The following SPTLC2 variants were observed in gnomAD, a reference collection of about 807,000 sequenced individuals.
SPTLC2 encodes the protein serine palmitoyltransferase 2.
A neutral mutation model predicts 62.0 loss-of-function variants in SPTLC2; 21 were observed. The observed-to-expected ratio is 0.34, with a 90% CI of 0.24 to 0.49. The LOEUF is 0.49. SPTLC2 is among the 20% of genes least tolerant of loss of function. The pLI, the probability that SPTLC2 is intolerant of heterozygous loss-of-function variation, is 0.99. For missense variants in SPTLC2, 511 were observed against 713.0 expected, an observed-to-expected ratio of 0.72 and a Z score of 3.23; for synonymous variants, 261 against 261.8, an observed-to-expected ratio of 1.00 and a Z score of 0.03.
At chr14:77,523,958 A>G (rs984554477) in intron 9 of SPTLC2, among the ~76,000 whole-genome samples, 12 of 152,354 alleles carry the variant, frequency 7.9e-5, no homozygotes, top group African/African-American at 2.6e-4. Flanking sequence ...ACGTACAACC[A>G]GGGGAAAAGT....
rs988534292 is a variant in SPTLC2 at position 77,522,943 on chromosome 14, A to G, written c.1304-1362T>C. On this transcript the variant is annotated intron_variant, in intron 9 of 11. Transcript: ENST00000216484. ...CATCATTCATGGGAAGCTACTCTAT[A>G]TAAGTTGGCCACAAATAAGTCAAAA... Among the ~76,000 whole-genome samples, 5 of 152,364 alleles carry G rather than the reference A, an allele frequency of 3.3e-5. No individual in the cohort carries two copies. In the South Asian group the frequency reaches 1.0e-3, roughly 32 times the overall value.
Position 77,552,119 on chromosome 14 carries a change from A to G in SPTLC2, c.1280T>C (p.Met427Thr). The G allele has an allele frequency of 6.2e-7, 1 of 1,614,170 alleles. No homozygotes were observed. The highest frequency in any genetic ancestry group is 8.5e-7 in the Non-Finnish European group (1 of 1,180,022). ...ACCAAGGCTGGTGCCATCCTGCCCC[A>G]TGATGCACTTCATGGAGGTGATGAT... ...EQIITSMKCIMGQDGTSLGKE... is the reference protein window; with the variant it reads ...EQIITSMKCITGQDGTSLGKE... The change falls in exon 9 of 12, where the codon ATG (methionine) becomes ACG (threonine). Residue 427 changes from methionine to threonine, a missense_variant. Transcript: ENST00000216484.
Position 77,509,728 on chromosome 14 carries a change from T to G in SPTLC2, c.*2556A>C, listed in dbSNP as rs765841404. On this transcript the variant is annotated 3_prime_UTR_variant, in exon 12 of 12. Coordinates refer to ENST00000216484, the MANE Select transcript of SPTLC2 (RefSeq NM_004863.4). ...ACTGGACCCTAGATTTACATTACAG[T>G]TTCAAGAAGAGACAACCAACCATGT... 1.5e-5 allele frequency: 6 copies of G among 395,558 alleles called. No individual in the cohort carries two copies. Among genetic ancestry groups the G allele is most frequent in the Non-Finnish European group, 2.7e-5 (6 of 224,712 alleles). The allele number at this position is 395,558 out of a possible 1,614,324, so 24.5% of individuals were successfully genotyped here. A position where few individuals can be genotyped will look rare whatever the true frequency, so the allele number is the denominator to read the frequency against.
Position 77,518,065 on chromosome 14 carries a change from T to C in SPTLC2, c.1542A>G (p.Ala514=), listed in dbSNP as rs1018153034. 1.2e-6 allele frequency: 2 copies of C among 1,614,206 alleles called. No individual in the cohort carries two copies. The highest frequency in any genetic ancestry group is 8.5e-7 in the Non-Finnish European group (1 of 1,180,042). ...TATCAAGTATTTCTTTGGTATGAGC[T>C]GCTGACAGGCAAAACCTGGCTCTGG... ...IESRARFCLS[A]AHTKEILDTA... is the part of the protein sequence containing the mutation. The change falls in exon 11 of 12, where the codon GCA becomes GCG. Residue 514 remains alanine (A), a synonymous_variant. Transcript: ENST00000216484.
intron 7 of SPTLC2, 41 bp downstream of exon 7, chr14:77,556,999 TG>T: frequency 6.5e-7 from 1 of 1,548,916 alleles, no homozygotes; most frequent in Non-Finnish European, 8.9e-7. Flanking sequence ...TATGACTTCA[TG>T]GGGCCAAGTC....
At chr14:77,600,446 T>C (rs796288572) in intron 1 of SPTLC2, among the ~76,000 whole-genome samples, 38 of 152,284 alleles carry the variant, frequency 2.5e-4, no homozygotes, top group African/African-American at 8.4e-4. Context: ...ACAAAATCAC[T>C]TCACCTTTAA....
intron 9 of SPTLC2, among the ~76,000 whole-genome samples, chr14:77,538,728 A>G (rs773203575): frequency 3.3e-5 from 5 of 151,824 alleles, no homozygotes; most frequent in Non-Finnish European, 5.9e-5. Context: ...GCGTCACCAC[A>G]TCTGGCTAAT....
chr14:77,530,546 C>T (rs2079433173), intron 9 of SPTLC2, among the ~76,000 whole-genome samples: 1 of 152,106 alleles, frequency 6.6e-6, no homozygotes, highest in African/African-American at 2.4e-5. Flanking sequence ...CCAGGCTCGT[C>T]TCAAACTCCT....
At chr14:77,566,593 G>T (rs1401652929) in intron 5 of SPTLC2, among the ~76,000 whole-genome samples, 1 of 152,028 alleles carries the variant, frequency 6.6e-6, no homozygotes, top group East Asian at 1.9e-4. Context: ...AGCCTCCCGA[G>T]TAGCTGGGAC....
Position 77,599,308 on chromosome 14 carries a change from G to A in SPTLC2, c.133-1928C>T, listed in dbSNP as rs141924989. Among the ~76,000 whole-genome samples, 578 of 152,200 alleles carry A rather than the reference G, an allele frequency of 3.8e-3. 5 individuals carry two copies. The highest frequency in any genetic ancestry group is 0.014 in the African/African-American group (561 of 41,530). Reference sequence around the variant, plus strand: ...ATATCGTCAATTAAGCATTACAAAAGGTCCCAAAGAACTAAAAGATCCTTT... The same window carrying A: ...ATATCGTCAATTAAGCATTACAAAAAGTCCCAAAGAACTAAAAGATCCTTT... On this transcript the variant is annotated intron_variant, in intron 1 of 11. Coordinates refer to ENST00000216484, the MANE Select transcript of SPTLC2 (RefSeq NM_004863.4).
At chr14:77,551,567 C>T (rs1420329452) in intron 9 of SPTLC2, among the ~76,000 whole-genome samples, 2 of 152,090 alleles carry the variant, frequency 1.3e-5, no homozygotes, top group African/African-American at 4.8e-5. Context: ...AAAGTGAACA[C>T]TGAACTTCAC....
At chr14:77,607,519 G>C (rs956134813) in intron 1 of SPTLC2, among the ~76,000 whole-genome samples, 1 of 151,870 alleles carries the variant, frequency 6.6e-6, no homozygotes, top group Non-Finnish European at 1.5e-5. Flanking sequence ...TTAATTCCAT[G>C]GCTTTCCAAT....
At chr14:77,537,164 C>T (rs181825321) in intron 9 of SPTLC2, among the ~76,000 whole-genome samples, 5 of 152,188 alleles carry the variant, frequency 3.3e-5, no homozygotes, top group South Asian at 2.1e-4. Flanking sequence ...GTGATCTACC[C>T]GCCTCTGCCT....
chr14:77,516,577 A>G (rs771246976), intron 11 of SPTLC2, among the ~76,000 whole-genome samples: 11 of 152,210 alleles, frequency 7.2e-5, no homozygotes, highest in Non-Finnish European at 1.0e-4. Flanking sequence ...TTCACCAGTA[A>G]AATTTCTGAG....
intron 8 of SPTLC2, among the ~76,000 whole-genome samples, chr14:77,552,659 A>G: frequency 6.6e-6 from 1 of 152,006 alleles, no homozygotes; most frequent in South Asian, 2.1e-4. Flanking sequence ...TACAAAAATC[A>G]GCTGTGCGTG....
rs142320856 is a variant in SPTLC2 at position 77,616,609 on chromosome 14, C to T, written c.-30G>A. ...CTGGCAGCACCAGGCGCAAGGCAGG[C>T]TCTGTAGGCGGTGGCAGCGGCGGCG... On this transcript the variant is annotated 5_prime_UTR_variant, in exon 1 of 12. Transcript: ENST00000216484. 5.9e-4 allele frequency: 908 copies of T among 1,534,158 alleles called. 2 individuals are homozygous for T. In the African/African-American group the frequency reaches 0.011, roughly 19 times the overall value.
chr14:77,557,541 G>GA (rs1491335174), intron 6 of SPTLC2, among the ~76,000 whole-genome samples: 1 of 152,180 alleles, frequency 6.6e-6, no homozygotes, highest in Non-Finnish European at 1.5e-5. Context: ...AAGACAGAGC[G>GA]AGAGAGTGTG....
chr14:77,580,744 A>G (rs906022605), intron 2 of SPTLC2, among the ~76,000 whole-genome samples: 6 of 152,088 alleles, frequency 3.9e-5, no homozygotes, highest in Non-Finnish European at 7.4e-5. Context: ...AAGGCAGGAC[A>G]CAGTGGTTCA....
Position 77,509,177 on chromosome 14 carries a change from A to T in SPTLC2, c.*3107T>A, listed in dbSNP as rs1364623730. On this transcript the variant is annotated 3_prime_UTR_variant, in exon 12 of 12. Transcript: ENST00000216484. The stretch of plus-strand genomic sequence containing the variant: ...CTACGATGGCTGGATTCTTCAAACA[A>T]ATAAGCAGTACTTTGGGGGTTATGG... 6.6e-6 allele frequency: 1 copy of T among 152,234 alleles called. No individual in the cohort carries two copies. Among genetic ancestry groups the T allele is most frequent in the Non-Finnish European group, 1.5e-5 (1 of 68,038 alleles). 9.4% of individuals were successfully genotyped at this position (152,234 alleles called of 1,614,324 possible).
Sources: gnomAD v4.1 joint callset for allele counts (sites outside exome capture counted in the v4.1 genomes callset) on GRCh38, gnomAD v4.1.1 for gene constraint, MANE v1.5 for transcripts, NCBI Gene and HGNC (gene_info 2026-07-23, HGNC 2026-07-21) for gene names.